The following USP47 variants were observed in gnomAD, a reference collection of about 807,000 sequenced individuals.
USP47 encodes ubiquitin specific peptidase 47.
A neutral mutation model predicts 165.1 loss-of-function variants in USP47; 35 were observed. That is an observed-to-expected ratio of 0.21 (90% CI 0.16 to 0.28). The LOEUF is 0.28. USP47 is among the 10% of genes least tolerant of loss of function. USP47 has a pLI of 1.00. For missense variants in USP47, 1,277 were observed against 1,607.4 expected, an observed-to-expected ratio of 0.79 and a Z score of 3.52; for synonymous variants, 531 against 544.5, an observed-to-expected ratio of 0.98 and a Z score of 0.35.
At chr11:11,900,022 T>A (rs1192826316) in intron 5 of USP47, among the ~76,000 whole-genome samples, 1 of 151,998 alleles carries the variant, frequency 6.6e-6, no homozygotes, top group Non-Finnish European at 1.5e-5. Context: ...AGCACTAGTG[T>A]AAAAGGATAG....
intron 1 of USP47, among the ~76,000 whole-genome samples, chr11:11,879,327 T>G (rs1850680823): frequency 6.6e-6 from 1 of 152,044 alleles, no homozygotes; most frequent in East Asian, 1.9e-4. Context: ...GCTGTTTGGT[T>G]TCAGCAGCCA....
At chr11:11,935,547 G>T (rs1028013334) in intron 16 of USP47, among the ~76,000 whole-genome samples, 1 of 151,890 alleles carries the variant, frequency 6.6e-6, no homozygotes, top group African/African-American at 2.4e-5. Flanking sequence ...TTGGGGATGG[G>T]GGTTGGGGAG....
chr11:11,881,672 A>G (rs1227132571), intron 2 of USP47, among the ~76,000 whole-genome samples: 1 of 152,084 alleles, frequency 6.6e-6, no homozygotes, highest in African/African-American at 2.4e-5. Flanking sequence ...ATTGGTAGAC[A>G]TCTTCTTAGG....
chr11:11,894,063 G>T (rs1851704307), intron 4 of USP47, among the ~76,000 whole-genome samples: 1 of 152,154 alleles, frequency 6.6e-6, no homozygotes, highest in Non-Finnish European at 1.5e-5. Context: ...TTTGATTTCA[G>T]ATAATAGGAG....
intron 3 of USP47, among the ~76,000 whole-genome samples, chr11:11,885,112 T>G (rs1396394915): frequency 6.6e-6 from 1 of 152,224 alleles, no homozygotes; most frequent in Non-Finnish European, 1.5e-5. Flanking sequence ...ACTTTCCTGT[T>G]CAGCCCAGTT....
intron 11 of USP47, among the ~76,000 whole-genome samples, chr11:11,926,427 G>T (rs1854247331): frequency 6.6e-6 from 1 of 152,024 alleles, no homozygotes; most frequent in Non-Finnish European, 1.5e-5. Context: ...AACGTTTGTA[G>T]AAATTTATCC....
At chr11:11,894,946 C>A (rs1161220349) in intron 4 of USP47, among the ~76,000 whole-genome samples, 3 of 152,044 alleles carry the variant, frequency 2.0e-5, no homozygotes, top group African/African-American at 4.8e-5. Context: ...AATGGGGAAT[C>A]ATGAGTAGAT....
At chr11:11,921,934 C>CT (rs1301863504) in intron 10 of USP47, among the ~76,000 whole-genome samples, 3 of 151,800 alleles carry the variant, frequency 2.0e-5, no homozygotes, top group African/African-American at 7.2e-5. Context: ...GATGTAGTAC[C>CT]TACAACAAGA....
At chr11:11,864,998 G>T (rs1849589492) in intron 1 of USP47, among the ~76,000 whole-genome samples, 1 of 152,008 alleles carries the variant, frequency 6.6e-6, no homozygotes, top group South Asian at 2.1e-4. Context: ...GTTGTGATGT[G>T]ATCAGAGAAA....
chr11:11,900,933 C>T (rs1243201994), intron 5 of USP47, among the ~76,000 whole-genome samples: 1 of 152,166 alleles, frequency 6.6e-6, no homozygotes, highest in Admixed American at 6.5e-5. Context: ...AATATTTTCT[C>T]ACAGTTAACA....
chr11:11,867,613 A>G (rs1233016181), intron 1 of USP47, among the ~76,000 whole-genome samples: 1 of 152,096 alleles, frequency 6.6e-6, no homozygotes, highest in Non-Finnish European at 1.5e-5. Flanking sequence ...AATGTAACTG[A>G]TAGTTTCAAT....
At chr11:11,920,555 A>G (rs973042464) in intron 10 of USP47, 61 bp downstream of exon 10, 8 of 1,488,878 alleles carry the variant, frequency 5.4e-6, no homozygotes, top group African/African-American at 1.4e-5. Context: ...CATGGTTTTG[A>G]AAGAGCTGTT....
intron 8 of USP47, among the ~76,000 whole-genome samples, chr11:11,912,059 G>A (rs971175915): frequency 6.6e-6 from 1 of 151,466 alleles, no homozygotes; most frequent in Non-Finnish European, 1.5e-5. Context: ...ATTTTTTTGA[G>A]GCACAACTAA....
At chr11:11,859,849 A>G (rs1849272253) in intron 1 of USP47, among the ~76,000 whole-genome samples, 2 of 152,114 alleles carry the variant, frequency 1.3e-5, no homozygotes, top group South Asian at 4.1e-4. Context: ...CACGCCTGTA[A>G]TCCCAGCACT....
Position 11,958,132 on chromosome 11 carries a change from A to C in USP47, c.*1957A>C, listed in dbSNP as rs1023320410. The C allele has an allele frequency of 3.9e-5, 6 of 152,228 alleles. No individual in the cohort carries two copies. The highest frequency in any genetic ancestry group is 9.6e-5 in the African/African-American group (4 of 41,456). 9.4% of individuals were successfully genotyped at this position (152,228 alleles called of 1,614,324 possible). On this transcript the variant is annotated 3_prime_UTR_variant, in exon 28 of 28. Coordinates refer to ENST00000527733, the MANE Select transcript of USP47 (RefSeq NM_001282659.2). ...TAAAGGACTGACTTGCTATCACACAAAAGAGGCAGACTTGTAAACACAATG... is the reference window on the plus strand; with the variant it reads ...TAAAGGACTGACTTGCTATCACACACAAGAGGCAGACTTGTAAACACAATG...
chr11:11,862,524 A>ATT (rs1238185012), intron 1 of USP47, among the ~76,000 whole-genome samples: 1 of 152,074 alleles, frequency 6.6e-6, no homozygotes, highest in Non-Finnish European at 1.5e-5. Flanking sequence ...GTTTTCCTTG[A>ATT]GTATATAAGC....
At chr11:11,865,081 C>A (rs1299147569) in intron 1 of USP47, among the ~76,000 whole-genome samples, 1 of 152,100 alleles carries the variant, frequency 6.6e-6, no homozygotes, top group Non-Finnish European at 1.5e-5. Context: ...AAAAATCTTT[C>A]TCTTTGTCTT....
intron 1 of USP47, among the ~76,000 whole-genome samples, chr11:11,855,808 A>G (rs1463861021): frequency 1.3e-5 from 2 of 152,222 alleles, no homozygotes; most frequent in South Asian, 2.1e-4. Context: ...TCAGTTAAAC[A>G]TTGAGTTAGT....
At chr11:11,912,208 A>G (rs1853047251) in intron 8 of USP47, among the ~76,000 whole-genome samples, 1 of 151,930 alleles carries the variant, frequency 6.6e-6, no homozygotes, top group Non-Finnish European at 1.5e-5. Context: ...AAGGAAGGAC[A>G]TAATAAAGAA....
Sources: allele counts gnomAD v4.1 joint callset (sites outside exome capture counted in the v4.1 genomes callset), GRCh38; gene constraint gnomAD v4.1.1; transcripts MANE v1.5; gene names NCBI Gene and HGNC (gene_info 2026-07-23, HGNC 2026-07-21).